R3HDM1: variants seen among roughly 807,000 people sequenced by gnomAD.
R3HDM1 encodes R3H domain containing 1, also known as R3H domain-containing protein 1.
R3HDM1 carries 46 observed loss-of-function variants against 141.1 expected under a neutral mutation model. That is an observed-to-expected ratio of 0.33 (90% confidence interval 0.26 to 0.42). R3HDM1 has a LOEUF of 0.42. Among genes scored for constraint, R3HDM1 ranks in the 10% least tolerant of loss-of-function variants. R3HDM1 has a pLI of 1.00. For missense variants in R3HDM1, 1,184 were observed against 1,368.3 expected (o/e 0.87, Z 2.12); for synonymous variants, 435 against 472.9 (o/e 0.92, Z 1.04).
chr2:135,603,554 A>T (rs1382284561), intron 2 of R3HDM1, among the ~76,000 whole-genome samples: 2 of 152,160 alleles, frequency 1.3e-5, no homozygotes, highest in Non-Finnish European at 2.9e-5. Flanking sequence ...CATTTTTTTT[A>T]AAGATGCATT....
chr2:135,567,528 C>T (rs62168779), intron 1 of R3HDM1, among the ~76,000 whole-genome samples: 5 of 152,072 alleles, frequency 3.3e-5, no homozygotes, highest in African/African-American at 9.7e-5. Flanking sequence ...TTCACCTGTT[C>T]GCCTCTAGAG....
chr2:135,672,952 C>G (rs1405348011), intron 19 of R3HDM1, among the ~76,000 whole-genome samples: 1 of 152,064 alleles, frequency 6.6e-6, no homozygotes, highest in Non-Finnish European at 1.5e-5. Context: ...ACTAAAAATA[C>G]AAAAATTAGC....
chr2:135,616,759 TA>T lies in R3HDM1; in HGVS notation c.303+8del, dbSNP rs774149234. On this transcript the variant is annotated splice_donor_region_variant and intron_variant, in intron 5 of 26. Coordinates refer to ENST00000683871, the MANE Select transcript of R3HDM1 (RefSeq NM_001378107.1). ...CCAGAGATATCACAGGAGAACCAGG[TA>T]AAAAAGCAAAACAAATGTTATTTCA... 6 of 1,585,422 alleles carry T rather than the reference TA, an allele frequency of 3.8e-6. No individual in the cohort carries two copies. In the Admixed American group the frequency reaches 6.8e-5, roughly 18 times the overall value.
chr2:135,634,126 T>A (rs904609194), intron 9 of R3HDM1, among the ~76,000 whole-genome samples: 1 of 152,190 alleles, frequency 6.6e-6, no homozygotes, highest in Non-Finnish European at 1.5e-5. Flanking sequence ...ATTATTTTGA[T>A]CACAAAGCTG....
chr2:135,616,142 G>C lies in R3HDM1; in HGVS notation c.172-10G>C. 1 of 1,610,532 alleles carries C rather than the reference G, an allele frequency of 6.2e-7. No individual in the cohort carries two copies. On this transcript the variant is annotated splice_polypyrimidine_tract_variant and intron_variant, in intron 3 of 26. Transcript: ENST00000683871. ...ATGAAATTTAATACAAATCTTTCTTGTATATTCAGCGGCCATTGCAGTCAT... is the reference window on the plus strand; with the variant it reads ...ATGAAATTTAATACAAATCTTTCTTCTATATTCAGCGGCCATTGCAGTCAT...
At chr2:135,703,581 C>T (rs1156994078) in intron 21 of R3HDM1, among the ~76,000 whole-genome samples, 1 of 152,064 alleles carries the variant, frequency 6.6e-6, no homozygotes, top group African/African-American at 2.4e-5. Flanking sequence ...GGGCAGGCGT[C>T]CCCACTCCCT....
At chr2:135,598,003 G>A (rs568112088) in intron 1 of R3HDM1, among the ~76,000 whole-genome samples, 1 of 152,142 alleles carries the variant, frequency 6.6e-6, no homozygotes, top group Admixed American at 6.5e-5. Flanking sequence ...TTGCATTTTT[G>A]TTGTTAATAC....
At chr2:135,630,193 C>T (rs1467185900) in intron 7 of R3HDM1, among the ~76,000 whole-genome samples, 6 of 138,372 alleles carry the variant, frequency 4.3e-5, no homozygotes, top group Admixed American at 8.0e-5. Flanking sequence ...AGGAGAATTG[C>T]TTGAACCTGA....
intron 1 of R3HDM1, among the ~76,000 whole-genome samples, chr2:135,557,250 T>TC (rs1700955926): frequency 6.6e-6 from 1 of 152,198 alleles, no homozygotes; most frequent in African/African-American, 2.4e-5. Flanking sequence ...GCTCTTTTTT[T>TC]CCTCTACTAA....
At chr2:135,720,006 G>C (rs2076552163) in intron 24 of R3HDM1, among the ~76,000 whole-genome samples, 3 of 152,068 alleles carry the variant, frequency 2.0e-5, no homozygotes, top group South Asian at 4.2e-4. Context: ...CCATACGCCT[G>C]GCTAATTTTT....
chr2:135,577,034 T>G (rs1705598097), intron 1 of R3HDM1: 2 of 815,346 alleles, frequency 2.5e-6, no homozygotes, highest in African/African-American at 3.8e-5. Context: ...AATAATTAGC[T>G]GTTACAAAAG....
At chr2:135,596,466 G>A (rs1262722253) in intron 1 of R3HDM1, among the ~76,000 whole-genome samples, 1 of 152,016 alleles carries the variant, frequency 6.6e-6, no homozygotes, top group East Asian at 1.9e-4. Context: ...TATATTGGCT[G>A]GAGATCTTTT....
At chr2:135,630,056 TA>T (rs766956798) in intron 7 of R3HDM1, among the ~76,000 whole-genome samples, 1,633 of 133,822 alleles carry the variant, frequency 0.012, 25 homozygotes, top group African/African-American at 0.04. Flanking sequence ...AAGGATGATT[TA>T]AAAAAAAAAA....
At chr2:135,562,881 A>T (rs2059034620) in intron 1 of R3HDM1, among the ~76,000 whole-genome samples, 2 of 152,190 alleles carry the variant, frequency 1.3e-5, no homozygotes, top group Admixed American at 1.3e-4. Flanking sequence ...TCTTATGAAA[A>T]TAAATGGACC....
chr2:135,661,193 A>G (rs970964614), intron 18 of R3HDM1, 77 bp from the exon 19 acceptor site: 2 of 1,539,242 alleles, frequency 1.3e-6, no homozygotes, highest in South Asian at 1.2e-5. Flanking sequence ...TTACTCATTA[A>G]ACTCTGATCT....
chr2:135,617,859 A>G (rs186069605), intron 5 of R3HDM1, among the ~76,000 whole-genome samples: 61 of 152,348 alleles, frequency 4.0e-4, no homozygotes, highest in African/African-American at 1.4e-3. Context: ...TTAAGAAGCC[A>G]TGACTGATCC....
At chr2:135,699,044 T>TTG (rs1559466316) in intron 21 of R3HDM1, among the ~76,000 whole-genome samples, 3,585 of 100,102 alleles carry the variant, frequency 0.036, 112 homozygotes, top group Middle Eastern at 0.098. Context: ...GATAGATAGA[T>TTG]AAGATAGATA....
At chr2:135,563,672 T>C (rs1031853338) in intron 1 of R3HDM1, among the ~76,000 whole-genome samples, 2 of 152,182 alleles carry the variant, frequency 1.3e-5, no homozygotes, top group Non-Finnish European at 2.9e-5. Flanking sequence ...AATCCTGTTA[T>C]GGGAGGAAAA....
intron 14 of R3HDM1, among the ~76,000 whole-genome samples, chr2:135,639,440 T>C (rs2063567251): frequency 6.6e-6 from 1 of 152,188 alleles, no homozygotes; most frequent in African/African-American, 2.4e-5. Flanking sequence ...CTTTATTACT[T>C]ATTCGTAGTT....
Sources: allele counts gnomAD v4.1 joint callset (sites outside exome capture counted in the v4.1 genomes callset), GRCh38; gene constraint gnomAD v4.1.1; transcripts MANE v1.5; gene names NCBI Gene and HGNC (gene_info 2026-07-23, HGNC 2026-07-21).